The following ZNF91 variants were observed in gnomAD, a reference collection of about 807,000 sequenced individuals.
ZNF91 encodes zinc finger protein 91 (HPF7, HTF10).
Under a neutral mutation model 12.6 loss-of-function variants are expected in ZNF91, and 7 were observed. The observed-to-expected ratio is 0.55, with a 90% CI of 0.31 to 1.04. The LOEUF (loss-of-function observed/expected upper bound fraction) is 1.04, where lower values mean the gene tolerates loss of function less well. Ranked by LOEUF, ZNF91 falls within the 50% of genes least tolerant of loss-of-function variation. The pLI is 0.05. For synonymous variants in ZNF91, 453 were observed against 462.6 expected, an observed-to-expected ratio of 0.98 and a Z score of 0.27; for missense variants, 1,217 against 1,385.4, an observed-to-expected ratio of 0.88 and a Z score of 1.93.
intron 3 of ZNF91, among the ~76,000 whole-genome samples, chr19:23,345,144 G>A (rs572245396): frequency 6.6e-6 from 1 of 152,132 alleles, no homozygotes; most frequent in Non-Finnish European, 1.5e-5. Context: ...ATTTGATCCC[G>A]TTCTAGGAAC....
At chr19:23,335,933 C>G (rs1227340854), downstream of ZNF91, among the ~76,000 whole-genome samples, 1 of 152,164 alleles carries the variant, frequency 6.6e-6, no homozygotes, top group African/African-American at 2.4e-5. Flanking sequence ...GGAGCTGTTC[C>G]TATTCGGCCA....
intron 1 of ZNF91, among the ~76,000 whole-genome samples, chr19:23,330,335 G>GAAA (rs200975259): frequency 9.4e-4 from 123 of 131,100 alleles, no homozygotes; most frequent in African/African-American, 2.9e-3. Context: ...CGTCTCAAAA[G>GAAA]AAAAAAAAAA....
intron 1 of ZNF91, among the ~76,000 whole-genome samples, chr19:23,391,344 C>T (rs191252941): frequency 6.4e-4 from 97 of 152,280 alleles, no homozygotes; most frequent in African/African-American, 2.3e-3. Flanking sequence ...TTGAGCTACC[C>T]TCAGTCTGAG....
chr19:23,391,083 T>C (rs200424280), intron 1 of ZNF91, among the ~76,000 whole-genome samples: 6 of 152,186 alleles, frequency 3.9e-5, no homozygotes, highest in African/African-American at 7.2e-5. Flanking sequence ...ATTGCCACAC[T>C]GCTTTTTACA....
chr19:23,375,740 A>G (rs1969482638), intron 1 of ZNF91, among the ~76,000 whole-genome samples: 1 of 152,198 alleles, frequency 6.6e-6, no homozygotes, highest in Non-Finnish European at 1.5e-5. Flanking sequence ...CAGCTGCCAG[A>G]TTAAATGTGA....
intron 3 of ZNF91, among the ~76,000 whole-genome samples, chr19:23,368,562 C>CTCTCTCTCTCTCTCTCTATATA (rs768532900): frequency 8.4e-6 from 1 of 118,578 alleles, no homozygotes; most frequent in African/African-American, 3.3e-5. Flanking sequence ...CTCTCTCTCT[C>CTCTCTCTCTCTCTCTCTATATA]TATATATATA....
downstream of ZNF91, among the ~76,000 whole-genome samples, chr19:23,356,629 A>G (rs1223766250): frequency 6.6e-6 from 1 of 152,258 alleles, no homozygotes; most frequent in Non-Finnish European, 1.5e-5. Context: ...TATATGGTGC[A>G]GTGTATACTG....
rs77775496 is a variant in ZNF91, at chr19:23,365,461, G to C, written c.254-2736C>G. The stretch of plus-strand genomic sequence containing the variant: ...ATAACAATAAGAAATGCTGAAATGA[G>C]TCAGTAAAATGAGTCAGTTTTGTTT... On this transcript the variant is annotated intron_variant, in intron 3 of 3. Coordinates refer to ENST00000300619, the MANE Select transcript of ZNF91 (RefSeq NM_003430.4). Among the ~76,000 whole-genome samples, 1,207 of 152,104 alleles carry C rather than the reference G, an allele frequency of 7.9e-3. 16 individuals carry two copies. Among genetic ancestry groups the C allele is most frequent in the African/African-American group, 0.028 (1,150 of 41,482 alleles).
At chr19:23,319,888 TC>T (rs968641056) in intron 1 of ZNF91, among the ~76,000 whole-genome samples, 7 of 152,194 alleles carry the variant, frequency 4.6e-5, no homozygotes, top group Non-Finnish European at 1.0e-4. Context: ...AGATACTGTC[TC>T]TTATAGCAAG....
chr19:23,392,193 C>T (rs953452857), intron 1 of ZNF91, among the ~76,000 whole-genome samples: 4 of 151,496 alleles, frequency 2.6e-5, no homozygotes, highest in Middle Eastern at 3.4e-3. Flanking sequence ...GTCAGGAGTT[C>T]GAGACCAGCC....
At chr19:23,385,235 T>G (rs1321070203) in intron 1 of ZNF91, 1 of 580,322 alleles carries the variant, frequency 1.7e-6, no homozygotes, top group Non-Finnish European at 3.1e-6. Flanking sequence ...CCCCTGCAGC[T>G]TGATATTGGG....
At chr19:23,387,280 C>T (rs984843551) in intron 1 of ZNF91, among the ~76,000 whole-genome samples, 2 of 152,258 alleles carry the variant, frequency 1.3e-5, no homozygotes, top group African/African-American at 4.8e-5. Context: ...ACCAAGCAAC[C>T]TCATCACTGG....
At chr19:23,371,203 G>A (rs1392090832) in intron 3 of ZNF91, among the ~76,000 whole-genome samples, 12 of 151,980 alleles carry the variant, frequency 7.9e-5, no homozygotes, top group Non-Finnish European at 1.6e-4. Flanking sequence ...AAAATTAGCC[G>A]GGCATGGTGG....
chr19:23,366,568 G>C (rs1160395145), intron 3 of ZNF91, among the ~76,000 whole-genome samples: 1 of 152,162 alleles, frequency 6.6e-6, no homozygotes, highest in Non-Finnish European at 1.5e-5. Context: ...TGTATAAAAA[G>C]TCTGTGCCAG....
chr19:23,338,243 A>T (rs1328772560), downstream of ZNF91: 1 of 152,174 alleles, frequency 6.6e-6, no homozygotes, highest in East Asian at 1.9e-4. Context: ...AAAGTGAAGG[A>T]AGTAATTCTA....
intron 3 of ZNF91, among the ~76,000 whole-genome samples, chr19:23,368,843 A>T (rs115249279): frequency 0.091 from 13,874 of 151,878 alleles, 858 homozygotes; most frequent in African/African-American, 0.17. Flanking sequence ...ATAAATAATT[A>T]AAATAAATTT....
At chr19:23,321,303 T>C (rs1967689555) in intron 1 of ZNF91, among the ~76,000 whole-genome samples, 1 of 152,184 alleles carries the variant, frequency 6.6e-6, no homozygotes, top group Non-Finnish European at 1.5e-5. Context: ...TTGTGGCATA[T>C]CGCTGGGACT....
chr19:23,313,729 A>G (rs528080003), upstream of ZNF91, among the ~76,000 whole-genome samples: 2 of 152,312 alleles, frequency 1.3e-5, no homozygotes, highest in Admixed American at 6.5e-5. Context: ...ATTAGGAGGA[A>G]GTTAAAAGTT....
intron 1 of ZNF91, among the ~76,000 whole-genome samples, chr19:23,391,903 T>G (rs1970074230): frequency 6.6e-6 from 1 of 152,268 alleles, no homozygotes; most frequent in African/African-American, 2.4e-5. Flanking sequence ...AATTTCTATG[T>G]CAGAGTTATT....
Sources: gnomAD v4.1 joint callset for allele counts (sites outside exome capture counted in the v4.1 genomes callset) on GRCh38, gnomAD v4.1.1 for gene constraint, MANE v1.5 for transcripts, NCBI Gene and HGNC (gene_info 2026-07-23, HGNC 2026-07-21) for gene names.